The following GPHN variants were observed in gnomAD, a reference collection of about 807,000 sequenced individuals.
The protein encoded by GPHN is gephyrin.
In GPHN, 17 loss-of-function variants were observed where a neutral mutation model predicts 95.5. The observed-to-expected ratio is 0.18, with a 90% CI of 0.12 to 0.27. GPHN has a LOEUF of 0.27. Among genes scored for constraint, GPHN ranks in the 10% least tolerant of loss-of-function variants. The probability of loss-of-function intolerance (pLI) is 1.00; values close to 1 mark genes in which losing one functional copy is unlikely to be tolerated. For missense variants in GPHN, 660 were observed against 978.1 expected, an observed-to-expected ratio of 0.67 and a Z score of 4.34; for synonymous variants, 320 against 322.5, an observed-to-expected ratio of 0.99 and a Z score of 0.08.
intron 5 of GPHN, among the ~76,000 whole-genome samples, chr14:66,910,391 AG>A (rs2065613909): frequency 6.6e-6 from 1 of 151,980 alleles, no homozygotes; most frequent in South Asian, 2.1e-4. Flanking sequence ...AAATTAAAAA[AG>A]AAAAACACTG....
At chr14:67,673,295 G>A in the GPHN span, among the ~76,000 whole-genome samples, 1 of 152,046 alleles carries the variant, frequency 6.6e-6, no homozygotes, top group African/African-American at 2.4e-5. Context: ...AGTGAGCCGA[G>A]ATCGTGCCAC....
chr14:67,570,062 G>A, the GPHN span: 1 of 1,239,374 alleles, frequency 8.1e-7, no homozygotes, highest in Non-Finnish European at 1.2e-6. Flanking sequence ...AAAGGCCCCT[G>A]GCCTCATCAT....
chr14:67,559,702 A>C, the GPHN span: 1 of 1,583,838 alleles, frequency 6.3e-7, no homozygotes, highest in Non-Finnish European at 8.6e-7. Context: ...GTGGGTTGGA[A>C]ACTCATCTTG....
At chr14:66,889,559 A>T (rs2064365950) in intron 5 of GPHN, among the ~76,000 whole-genome samples, 1 of 152,200 alleles carries the variant, frequency 6.6e-6, no homozygotes, top group Non-Finnish European at 1.5e-5. Flanking sequence ...GAAAATATTT[A>T]AAAGTGAATT....
chr14:66,517,988 A>G (rs950126452), intron 1 of GPHN, among the ~76,000 whole-genome samples: 3 of 152,042 alleles, frequency 2.0e-5, no homozygotes, highest in African/African-American at 7.2e-5. Context: ...GAAATAACCA[A>G]CAGAATGAAA....
intron 9 of GPHN, chr14:66,968,916 A>G (rs982965657): frequency 6.8e-6 from 1 of 147,988 alleles, no homozygotes; most frequent in East Asian, 1.9e-4. Context: ...TAACCAATAT[A>G]TAGATATATT....
intron 1 of GPHN, among the ~76,000 whole-genome samples, chr14:66,673,380 C>A (rs1278888967): frequency 6.6e-6 from 1 of 152,180 alleles, no homozygotes; most frequent in Admixed American, 6.5e-5. Context: ...GTGTGAGCCA[C>A]CACGCCCTGC....
At chr14:67,301,502 TC>T in the GPHN span, 1 of 1,454,280 alleles carries the variant, frequency 6.9e-7, no homozygotes, top group Non-Finnish European at 9.5e-7. Context: ...ATGTGGTTTT[TC>T]CAGCATTCTT....
At chr14:67,412,053 C>A in the GPHN span, 4 of 1,552,552 alleles carry the variant, frequency 2.6e-6, no homozygotes, top group East Asian at 1.0e-4. Context: ...AGCACGCCGT[C>A]CTCCATGTCG....
chr14:67,500,335 A>T, the GPHN span, among the ~76,000 whole-genome samples: 1 of 151,754 alleles, frequency 6.6e-6, no homozygotes, highest in African/African-American at 2.4e-5. Context: ...TTAGCTGGGC[A>T]TGGTGGCGGG....
chr14:67,169,268 T>C (rs2082458176), intron 21 of GPHN: 2 of 568,584 alleles, frequency 3.5e-6, no homozygotes, highest in South Asian at 4.1e-5. Context: ...CATATACGAG[T>C]CCAGAGAGCA....
At chr14:67,015,269 G>A (rs2073238423) in intron 9 of GPHN, among the ~76,000 whole-genome samples, 1 of 152,154 alleles carries the variant, frequency 6.6e-6, no homozygotes, top group Non-Finnish European at 1.5e-5. Flanking sequence ...GGAAAGCTCG[G>A]TGGAATTTAA....
rs1353949463 is a variant in GPHN at position 67,181,591 on chromosome 14, T to C, written c.*654T>C. 6.9e-6 allele frequency: 3 copies of C among 434,708 alleles called. No homozygotes were observed. 26.9% of individuals were successfully genotyped at this position (434,708 alleles called of 1,614,324 possible). On this transcript the variant is annotated 3_prime_UTR_variant, in exon 23 of 23. Transcript: ENST00000478722. ...ACTGAAGAAAAAATGCTTCCTTAAG[T>C]GCTGACAGCCTTTTTAACCAATACA... is the stretch of plus-strand genomic sequence containing the variant.
the GPHN span, among the ~76,000 whole-genome samples, chr14:67,321,615 C>T: frequency 6.6e-6 from 1 of 152,150 alleles, no homozygotes; most frequent in Non-Finnish European, 1.5e-5. Flanking sequence ...CTTTTATATA[C>T]ACCTTATTTA....
At chr14:66,964,027 T>C (rs773670094) in intron 8 of GPHN, among the ~76,000 whole-genome samples, 33 of 152,166 alleles carry the variant, frequency 2.2e-4, no homozygotes, top group Non-Finnish European at 4.0e-4. Flanking sequence ...AGTCCTCATG[T>C]TCCCATTCTT....
At chr14:67,509,656 C>T in the GPHN span, among the ~76,000 whole-genome samples, 1 of 152,156 alleles carries the variant, frequency 6.6e-6, no homozygotes, top group South Asian at 2.1e-4. Flanking sequence ...ACTGCCTCCA[C>T]TTTTACCCTC....
At chr14:67,615,950 G>T in the GPHN span, 1 of 461,430 alleles carries the variant, frequency 2.2e-6, no homozygotes, top group Non-Finnish European at 4.0e-6. Context: ...AATACAGAAA[G>T]GATACTGCTA....
chr14:67,537,555 CTTGGG>C, the GPHN span, among the ~76,000 whole-genome samples: 1 of 148,518 alleles, frequency 6.7e-6, no homozygotes, highest in African/African-American at 2.6e-5. Context: ...GTCCCAGCTG[CTTGGG>C]AGGCTGAGGT....
chr14:67,200,112 G>C, the GPHN span: 2 of 1,044,918 alleles, frequency 1.9e-6, no homozygotes, highest in Admixed American at 2.3e-5. Context: ...CAATGGGCAT[G>C]CCCCCCCGAA....
Sources: gnomAD v4.1 joint callset for allele counts (sites outside exome capture counted in the v4.1 genomes callset) on GRCh38, gnomAD v4.1.1 for gene constraint, MANE v1.5 for transcripts, NCBI Gene and HGNC (gene_info 2026-07-23, HGNC 2026-07-21) for gene names.